The following FOCAD variants were observed in gnomAD, a reference collection of about 807,000 sequenced individuals.
FOCAD encodes focadhesin.
Under a neutral mutation model 225.6 loss-of-function variants are expected in FOCAD, and 198 were observed. That is an observed-to-expected ratio of 0.88 (90% CI 0.78 to 0.99). FOCAD has a LOEUF of 0.99. Among genes scored for constraint, FOCAD ranks in the 50% least tolerant of loss-of-function variants. The pLI is 0.00. For synonymous variants in FOCAD, 897 were observed against 755.0 expected, an observed-to-expected ratio of 1.19 and a Z score of -3.08; for missense variants, 2,713 against 2,123.6, an observed-to-expected ratio of 1.28 and a Z score of -5.46.
chr9:20,740,366 T>TA (rs397706359), intron 5 of FOCAD, 26 bp downstream of exon 5: 13 of 1,243,776 alleles, frequency 1.0e-5, no homozygotes, highest in Middle Eastern at 4.1e-4. Flanking sequence ...GTTTTTTTTT[T>TA]AAACAAATAT....
intron 24 of FOCAD, 81 bp downstream of exon 24, chr9:20,917,018 G>T: frequency 6.4e-6 from 7 of 1,101,156 alleles, no homozygotes; most frequent in South Asian, 3.3e-5. Flanking sequence ...TCCTTTTAGG[G>T]CATTTCATAA....
intron 15 of FOCAD, among the ~76,000 whole-genome samples, chr9:20,847,604 G>A (rs1437386469): frequency 1.3e-5 from 2 of 151,910 alleles, no homozygotes; most frequent in Non-Finnish European, 2.9e-5. Flanking sequence ...ATGCTTTGGG[G>A]AAGGAGGGGC....
At chr9:20,984,283 A>G (rs1049764195) in intron 39 of FOCAD, among the ~76,000 whole-genome samples, 1 of 152,190 alleles carries the variant, frequency 6.6e-6, no homozygotes, top group African/African-American at 2.4e-5. Context: ...TGGGACTTTA[A>G]TAGTGATCTA....
chr9:20,993,430 C>G, intron 43 of FOCAD, 102 bp downstream of exon 43: 2 of 966,026 alleles, frequency 2.1e-6, no homozygotes, highest in Non-Finnish European at 3.2e-6. Flanking sequence ...TATCTCTTAC[C>G]CGAAATGCTT....
chr9:20,985,270 A>G (rs1309053845), intron 39 of FOCAD, among the ~76,000 whole-genome samples: 2 of 152,340 alleles, frequency 1.3e-5, no homozygotes, highest in South Asian at 4.1e-4. Flanking sequence ...AAAATATTGA[A>G]TCACTGAGTT....
At position 20,889,013 on chromosome 9, in the gene FOCAD, G is replaced by T. The variant is rs193203710; in HGVS notation, c.2625+3783G>T. On this transcript the variant is annotated intron_variant, in intron 21 of 43. Coordinates refer to ENST00000338382, the MANE Select transcript of FOCAD (RefSeq NM_001375567.1). ...ATACCATAAAATTTACTTATTTAAA[G>T]TATACAACTCAGTGGTTTTCAGTGT... 3.7e-3 allele frequency among the ~76,000 whole-genome samples: 556 copies of T among 152,264 alleles called. 4 individuals carry two copies. Among genetic ancestry groups the T allele is most frequent in the African/African-American group, 0.013 (531 of 41,556 alleles).
intron 1 of FOCAD, among the ~76,000 whole-genome samples, chr9:20,713,622 G>C (rs1411115306): frequency 3.3e-5 from 5 of 152,194 alleles, no homozygotes; most frequent in Admixed American, 6.5e-5. Flanking sequence ...TAAATGCAGA[G>C]ATTTTTTGCC....
intron 24 of FOCAD, among the ~76,000 whole-genome samples, chr9:20,922,524 G>C (rs991513318): frequency 6.6e-6 from 1 of 152,212 alleles, no homozygotes; most frequent in African/African-American, 2.4e-5. Flanking sequence ...ATGTGCGCCA[G>C]CAATTTAATA....
upstream of FOCAD, among the ~76,000 whole-genome samples, chr9:20,679,496 G>A (rs1822335535): frequency 6.6e-6 from 1 of 152,104 alleles, no homozygotes; most frequent in Admixed American, 6.5e-5. Context: ...ACAGGATTCA[G>A]ACTACAGTGT....
rs545976303 is a variant in FOCAD, at chr9:20,986,266, A to ATTTT, written c.4729-8_4729-5dup. ...CAGTTAATTTAATAGTAACTAAACA[A>ATTTT]TTTTTTTTTTTTTTTTTGCAGAGCA... On this transcript the variant is annotated intron_variant, in intron 39 of 43. Coordinates refer to ENST00000338382, the MANE Select transcript of FOCAD (RefSeq NM_001375567.1). 675 of 709,896 alleles carry ATTTT rather than the reference A, an allele frequency of 9.5e-4. 35 individuals are homozygous for ATTTT. The highest frequency in any genetic ancestry group is 2.2e-3 in the African/African-American group (74 of 33,186). 44.0% of individuals were successfully genotyped at this position (709,896 alleles called of 1,614,324 possible). A position where few individuals can be genotyped will look rare whatever the true frequency, so the allele number is the denominator to read the frequency against.
intron 17 of FOCAD, 107 bp downstream of exon 17, chr9:20,866,083 TG>T: frequency 1.1e-6 from 1 of 938,266 alleles, no homozygotes; most frequent in Non-Finnish European, 1.6e-6. Context: ...CTTGAAATAA[TG>T]GGTTCCCAAT....
Position 20,758,159 on chromosome 9 carries a change from G to C in FOCAD, c.462G>C (p.Gln154His). 1.9e-6 allele frequency: 3 copies of C among 1,612,298 alleles called. No homozygotes were observed. Among genetic ancestry groups the C allele is most frequent in the East Asian group, 2.2e-5 (1 of 44,754 alleles). ...ATTGCTGGCCAGTGTTTTTGCAGCA[G>C]CTGACAGCGTTTTTCCAGCAGTGCC... ...RPDCWPVFLQ[Q>H]LTAFFQQCPE... The change falls in exon 6 of 44, where the codon CAG (glutamine) becomes CAC (histidine). Residue 154 changes from glutamine to histidine, a missense_variant. By Grantham distance (24) the Gln-to-His change is conservative. Transcript: ENST00000338382.
At chr9:20,674,835 A>G (rs182318549) in intron 2 of FOCAD, among the ~76,000 whole-genome samples, 1 of 152,352 alleles carries the variant, frequency 6.6e-6, no homozygotes. Flanking sequence ...GGTTATAAGG[A>G]CTGAAATTTA....
intron 15 of FOCAD, among the ~76,000 whole-genome samples, chr9:20,830,011 T>C (rs1008671425): frequency 3.9e-5 from 6 of 152,042 alleles, no homozygotes; most frequent in African/African-American, 1.2e-4. Context: ...TTGACAAAAG[T>C]TGAATAATTG....
chr9:20,731,129 T>G (rs1004816454), intron 4 of FOCAD, among the ~76,000 whole-genome samples: 2 of 152,048 alleles, frequency 1.3e-5, no homozygotes, highest in Non-Finnish European at 2.9e-5. Flanking sequence ...TCCCTCCTAC[T>G]CGGGAGGCTG....
At chr9:20,871,282 C>A (rs150243349) in intron 18 of FOCAD, among the ~76,000 whole-genome samples, 29 of 151,912 alleles carry the variant, frequency 1.9e-4, no homozygotes, top group Non-Finnish European at 2.5e-4. Context: ...ATAGGCAGGT[C>A]GTTTTTGTTG....
chr9:20,854,477 C>A (rs1402180609), intron 15 of FOCAD, among the ~76,000 whole-genome samples: 2 of 151,678 alleles, frequency 1.3e-5, no homozygotes, highest in Admixed American at 6.6e-5. Flanking sequence ...AATGACTTCA[C>A]CATAGTCACA....
intron 11 of FOCAD, among the ~76,000 whole-genome samples, chr9:20,812,998 A>G (rs571705913): frequency 3.2e-4 from 49 of 152,128 alleles, no homozygotes; most frequent in African/African-American, 1.2e-3. Context: ...CTGAAACTCT[A>G]TACTCATTGA....
chr9:20,752,875 A>T (rs1828697446), intron 5 of FOCAD, among the ~76,000 whole-genome samples: 1 of 151,426 alleles, frequency 6.6e-6, no homozygotes, highest in South Asian at 2.1e-4. Flanking sequence ...GGTCCTTCAC[A>T]TCCCTTGTAA....
Sources: allele counts gnomAD v4.1 joint callset (sites outside exome capture counted in the v4.1 genomes callset), GRCh38; gene constraint gnomAD v4.1.1; transcripts MANE v1.5; gene names NCBI Gene and HGNC (gene_info 2026-07-23, HGNC 2026-07-21).